The following TNRC6B variants were observed in gnomAD, a reference collection of about 807,000 sequenced individuals.
The protein encoded by TNRC6B is trinucleotide repeat containing adaptor 6B, also known as trinucleotide repeat-containing gene 6B protein.
A neutral mutation model predicts 203.6 loss-of-function variants in TNRC6B; 52 were observed. The ratio of observed to expected loss-of-function variants is 0.26; its 90% confidence interval spans 0.20 to 0.32. The LOEUF is 0.32. Among genes scored for constraint, TNRC6B ranks in the 10% least tolerant of loss-of-function variants. TNRC6B has a pLI of 1.00. For missense variants in TNRC6B, 1,923 were observed against 2,286.2 expected, an observed-to-expected ratio of 0.84 and a Z score of 3.24; for synonymous variants, 838 against 845.7, an observed-to-expected ratio of 0.99 and a Z score of 0.16.
At chr22:40,319,436 T>G (rs1269983721) in intron 21 of TNRC6B, among the ~76,000 whole-genome samples, 2 of 150,266 alleles carry the variant, frequency 1.3e-5, no homozygotes, top group African/African-American at 2.4e-5. Context: ...TTTTTTTTTT[T>G]TTTTTGAGAC....
At chr22:40,177,568 A>G (rs1260005602), upstream of TNRC6B, among the ~76,000 whole-genome samples, 1 of 152,144 alleles carries the variant, frequency 6.6e-6, no homozygotes, top group East Asian at 1.9e-4. Context: ...AGCCCCTTTT[A>G]CAGAGCAGTT....
At chr22:40,312,358 T>C in intron 17 of TNRC6B, 147 bp from the exon 18 acceptor site, 1 of 895,984 alleles carries the variant, frequency 1.1e-6, no homozygotes. Flanking sequence ...TGGTGATTTT[T>C]TTTTCCTTAA....
At chr22:40,311,497 C>T (rs1447121450) in intron 17 of TNRC6B, among the ~76,000 whole-genome samples, 1 of 151,612 alleles carries the variant, frequency 6.6e-6, no homozygotes, top group East Asian at 1.9e-4. Context: ...TCTGTGCATG[C>T]GTATTTGTGA....
At chr22:40,068,143 G>A (rs1011323011) in intron 1 of TNRC6B, among the ~76,000 whole-genome samples, 4 of 151,940 alleles carry the variant, frequency 2.6e-5, no homozygotes, top group African/African-American at 9.7e-5. Flanking sequence ...AGAAAGATAA[G>A]GACTTTAAAA....
At chr22:40,232,640 A>T (rs2069888647) in intron 1 of TNRC6B, among the ~76,000 whole-genome samples, 1 of 152,196 alleles carries the variant, frequency 6.6e-6, no homozygotes, top group African/African-American at 2.4e-5. Context: ...TAACCCTGAA[A>T]TTTTTTGCGG....
intron 1 of TNRC6B, among the ~76,000 whole-genome samples, chr22:40,212,214 T>C (rs570318828): frequency 4.6e-5 from 7 of 152,288 alleles, no homozygotes; most frequent in Non-Finnish European, 8.8e-5. Context: ...TTCCTCAACA[T>C]TGGGGAGTGG....
chr22:40,313,972 C>G (rs765149966), intron 19 of TNRC6B, among the ~76,000 whole-genome samples: 1 of 152,208 alleles, frequency 6.6e-6, no homozygotes, highest in Non-Finnish European at 1.5e-5. Context: ...GGAGACATCT[C>G]AATATTCCGG....
At chr22:40,163,280 GT>G (rs1295771475) in intron 4 of TNRC6B, among the ~76,000 whole-genome samples, 1 of 149,456 alleles carries the variant, frequency 6.7e-6, no homozygotes, top group Non-Finnish European at 1.5e-5. Context: ...TGAGCGTGTT[GT>G]TGTGTGCCGG....
intron 1 of TNRC6B, among the ~76,000 whole-genome samples, chr22:40,091,020 C>T (rs550909297): frequency 2.0e-5 from 3 of 152,300 alleles, no homozygotes; most frequent in South Asian, 2.1e-4. Flanking sequence ...CTCACTCTCT[C>T]GCCCAGGCTG....
At chr22:40,161,958 A>G (rs2068874960) in intron 4 of TNRC6B, among the ~76,000 whole-genome samples, 1 of 152,220 alleles carries the variant, frequency 6.6e-6, no homozygotes, top group Non-Finnish European at 1.5e-5. Flanking sequence ...GTACTTGCTC[A>G]TAGATTGTGT....
intron 1 of TNRC6B, among the ~76,000 whole-genome samples, chr22:40,217,817 A>C (rs1329659828): frequency 1.3e-5 from 2 of 151,982 alleles, no homozygotes; most frequent in Non-Finnish European, 2.9e-5. Flanking sequence ...TCTACTAAAA[A>C]TACAAAAATT....
intron 12 of TNRC6B, among the ~76,000 whole-genome samples, chr22:40,290,345 A>G (rs991495786): frequency 2.6e-5 from 4 of 152,230 alleles, no homozygotes; most frequent in African/African-American, 9.6e-5. Flanking sequence ...CTAAAACAAA[A>G]GGCAGGTTGT....
intron 6 of TNRC6B, among the ~76,000 whole-genome samples, chr22:40,272,018 C>T (rs1287436399): frequency 6.6e-6 from 1 of 152,144 alleles, no homozygotes; most frequent in African/African-American, 2.4e-5. Context: ...GGTTCACTTG[C>T]ATGTCTTCAT....
chr22:40,257,444 C>T (rs1406530996), intron 3 of TNRC6B, among the ~76,000 whole-genome samples: 6 of 152,166 alleles, frequency 3.9e-5, no homozygotes, highest in East Asian at 1.9e-4. Flanking sequence ...AGGACGGGCA[C>T]GGTAGCTCAT....
intron 3 of TNRC6B, among the ~76,000 whole-genome samples, chr22:40,148,680 A>G (rs2068718496): frequency 1.5e-5 from 1 of 66,316 alleles, no homozygotes; most frequent in Non-Finnish European, 3.0e-5. Context: ...ACGAACTCCC[A>G]GAACCTTAGA....
At chr22:40,183,666 C>T (rs182722043) in intron 1 of TNRC6B, among the ~76,000 whole-genome samples, 1 of 151,112 alleles carries the variant, frequency 6.6e-6, no homozygotes, top group Admixed American at 6.6e-5. Flanking sequence ...CATGTAAATT[C>T]TGTTTATTTG....
chr22:40,147,320 T>G (rs1429026661), intron 3 of TNRC6B, among the ~76,000 whole-genome samples: 1 of 152,126 alleles, frequency 6.6e-6, no homozygotes, highest in Admixed American at 6.6e-5. Flanking sequence ...AGTTACTGTT[T>G]AAGGGGTACA....
chr22:40,230,157 T>G (rs1021147248), intron 1 of TNRC6B, among the ~76,000 whole-genome samples: 1 of 152,186 alleles, frequency 6.6e-6, no homozygotes, highest in Non-Finnish European at 1.5e-5. Context: ...TGTGTTGACA[T>G]CTCATTGTGG....
Position 40,323,457 on chromosome 22 carries a change from A to C in TNRC6B, c.*216A>C, listed in dbSNP as rs940242733. On this transcript the variant is annotated 3_prime_UTR_variant, in exon 23 of 23. Coordinates refer to ENST00000454349, the MANE Select transcript of TNRC6B (RefSeq NM_001162501.2). ...TTTCGTTTGGAATATGAATCCAAAA[A>C]GAGAACATATCACTCTTGAAATACT... 9.8e-6 allele frequency: 5 copies of C among 509,794 alleles called. No individual in the cohort carries two copies. Among genetic ancestry groups the C allele is most frequent in the Non-Finnish European group, 1.7e-5 (5 of 296,190 alleles). The allele number at this position is 509,794 out of a possible 1,614,324, so 31.6% of individuals were successfully genotyped here.
Sources: allele counts gnomAD v4.1 joint callset (sites outside exome capture counted in the v4.1 genomes callset), GRCh38; gene constraint gnomAD v4.1.1; transcripts MANE v1.5; gene names NCBI Gene and HGNC (gene_info 2026-07-23, HGNC 2026-07-21).